USP48: variants seen among roughly 807,000 people sequenced by gnomAD.
USP48 encodes ubiquitin carboxyl-terminal hydrolase 48.
A neutral mutation model predicts 150.7 loss-of-function variants in USP48; 43 were observed. The ratio of observed to expected loss-of-function variants is 0.29; its 90% CI spans 0.22 to 0.37. USP48 has a LOEUF of 0.37. Among genes scored for constraint, USP48 ranks in the 10% least tolerant of loss-of-function variants. The pLI, the probability that USP48 is intolerant of heterozygous loss-of-function variation, is 1.00. For synonymous variants in USP48, 396 were observed against 425.9 expected, an observed-to-expected ratio of 0.93 and a Z score of 0.86; for missense variants, 813 against 1,249.6, an observed-to-expected ratio of 0.65 and a Z score of 5.27.
At chr1:21,697,524 T>G (rs1482972885) in intron 22 of USP48, among the ~76,000 whole-genome samples, 138 of 151,162 alleles carry the variant, frequency 9.1e-4, no homozygotes, top group Non-Finnish European at 1.5e-3. Context: ...TTAGCCGGGC[T>G]TGGTGGTGGG....
chr1:21,716,467 G>A (rs1428423908), intron 14 of USP48, among the ~76,000 whole-genome samples: 2 of 152,152 alleles, frequency 1.3e-5, no homozygotes, highest in Non-Finnish European at 2.9e-5. Context: ...TCAGAACAGT[G>A]TGAAATTTAA....
intron 22 of USP48, among the ~76,000 whole-genome samples, chr1:21,699,445 G>A (rs1454813313): frequency 6.0e-5 from 9 of 150,290 alleles, no homozygotes; most frequent in Admixed American, 6.7e-5. Context: ...TGATCTGCCC[G>A]CCTCAGCCTC....
At chr1:21,782,680 G>T in intron 1 of USP48, 144 bp downstream of exon 1, 1 of 1,283,488 alleles carries the variant, frequency 7.8e-7, no homozygotes, top group Non-Finnish European at 1.0e-6. Flanking sequence ...TCGCGCAGAC[G>T]GCGCAAAGGG....
intron 17 of USP48, 89 bp from the exon 18 acceptor site, chr1:21,706,276 C>G (rs1449323796): frequency 2.0e-6 from 3 of 1,523,120 alleles, no homozygotes; most frequent in Non-Finnish European, 2.7e-6. Context: ...TGTCCTTATT[C>G]AAGTTTTATA....
At chr1:21,703,648 G>A in intron 20 of USP48, 30 bp from the exon 21 acceptor site, 2 of 1,477,706 alleles carry the variant, frequency 1.4e-6, no homozygotes, top group Non-Finnish European at 1.9e-6. Flanking sequence ...AGGGAAAACA[G>A]AAGTGGCTGA....
chr1:21,744,775 T>C (rs566833101), intron 8 of USP48, among the ~76,000 whole-genome samples: 1 of 43,540 alleles, frequency 2.3e-5, no homozygotes, highest in Non-Finnish European at 4.8e-5. Flanking sequence ...AAACTCTATC[T>C]CTAAAAAAAA....
intron 2 of USP48, 107 bp downstream of exon 2, chr1:21,757,556 A>C (rs2097840027): frequency 7.9e-7 from 1 of 1,266,980 alleles, no homozygotes; most frequent in Admixed American, 2.7e-5. Context: ...TTAAAGCTGC[A>C]CAGGTTACCT....
intron 2 of USP48, 74 bp downstream of exon 2, chr1:21,757,589 C>T (rs2097840124): frequency 3.3e-6 from 5 of 1,520,948 alleles, no homozygotes; most frequent in Non-Finnish European, 3.5e-6. Context: ...GTTTTCTGAT[C>T]ACAGGCCCAA....
intron 8 of USP48, among the ~76,000 whole-genome samples, chr1:21,744,185 T>C (rs2097788561): frequency 6.6e-6 from 1 of 152,216 alleles, no homozygotes; most frequent in Non-Finnish European, 1.5e-5. Flanking sequence ...GGCTCACACC[T>C]GTAATCCCAC....
At chr1:21,703,738 T>C (rs893273448) in intron 20 of USP48, 120 bp from the exon 21 acceptor site, 5 of 819,132 alleles carry the variant, frequency 6.1e-6, no homozygotes, top group African/African-American at 1.7e-5. Flanking sequence ...CTTAGTAACA[T>C]TTTCTTTTTT....
chr1:21,690,097 G>A lies in USP48; in HGVS notation c.2886C>T (p.Ile962=), dbSNP rs2097593025. The stretch of plus-strand genomic sequence containing the variant: ...AAGGAGCAACTGAAAATGCATGCAT[G>A]ATCTGTGCCAATATAAAAGAGAGAA... ...NQTLKELKIQ[I]MHAFSVAPFD... Residue 962 remains isoleucine, a splice_region_variant and synonymous_variant, in exon 24 of 27, where the codon ATC becomes ATT. Coordinates refer to ENST00000308271, the MANE Select transcript of USP48 (RefSeq NM_032236.8). The A allele has an allele frequency of 6.2e-7, 1 of 1,612,596 alleles. No homozygotes were observed. Among genetic ancestry groups the A allele is most frequent in the African/African-American group, 1.3e-5 (1 of 74,654 alleles).
chr1:21,733,893 G>A (rs542940424), intron 9 of USP48, among the ~76,000 whole-genome samples: 1 of 151,890 alleles, frequency 6.6e-6, no homozygotes, highest in East Asian at 1.9e-4. Context: ...CTGGGCTCAA[G>A]CATCCTCCTA....
At chr1:21,681,313 G>A (rs1042723570) in intron 25 of USP48, 1 of 152,718 alleles carries the variant, frequency 6.5e-6, no homozygotes, top group Non-Finnish European at 1.5e-5. Flanking sequence ...CCAGAATGGA[G>A]TGCAGTGGCA....
chr1:21,732,049 C>T (rs139638283), intron 9 of USP48, among the ~76,000 whole-genome samples: 8 of 152,136 alleles, frequency 5.3e-5, no homozygotes, highest in South Asian at 2.1e-4. Context: ...GGGATTATAG[C>T]GGCGGATCAT....
intron 9 of USP48, among the ~76,000 whole-genome samples, chr1:21,736,082 A>T (rs1361642034): frequency 1.3e-5 from 2 of 151,996 alleles, no homozygotes; most frequent in Non-Finnish European, 1.5e-5. Flanking sequence ...CTTACTGAAA[A>T]AAATTTTGAC....
intron 25 of USP48, chr1:21,681,268 CT>C (rs998495452): frequency 6.9e-4 from 103 of 148,368 alleles, no homozygotes; most frequent in Middle Eastern, 3.5e-3. Context: ...ATTTTATTTA[CT>C]TTTTTTTTTT....
intron 1 of USP48, among the ~76,000 whole-genome samples, chr1:21,768,850 G>A (rs1438795138): frequency 1.3e-5 from 2 of 151,918 alleles, no homozygotes; most frequent in African/African-American, 4.8e-5. Flanking sequence ...CCCAGGCTGT[G>A]GTGCAGCAGT....
chr1:21,751,602 C>T lies in USP48; in HGVS notation c.679G>A (p.Gly227Ser). The T allele has an allele frequency of 1.9e-6, 3 of 1,613,688 alleles. No homozygotes were observed. Among genetic ancestry groups the T allele is most frequent in the African/African-American group, 2.7e-5 (2 of 74,992 alleles). ...YAYVTVCNQC[G>S]RESKLLSKFY... ...TTTGACAAAAGCTTAGACTCTCTGC[C>T]ACACTGGTTGCAACTATAATAAAAC... The change falls in exon 6 of 27, where the codon GGC becomes AGC. Residue 227 changes from glycine to serine, a missense_variant. Physicochemically the swap from Gly to Ser is moderately conservative, Grantham distance 56 (BLOSUM62 0). Transcript: ENST00000308271.
At chr1:21,743,314 A>G (rs1489734024) in intron 8 of USP48, among the ~76,000 whole-genome samples, 1 of 152,172 alleles carries the variant, frequency 6.6e-6, no homozygotes, top group Non-Finnish European at 1.5e-5. Context: ...CAGAAACACA[A>G]GAGTGTCCAA....
Sources: gnomAD v4.1 joint callset for allele counts (sites outside exome capture counted in the v4.1 genomes callset) on GRCh38, gnomAD v4.1.1 for gene constraint, MANE v1.5 for transcripts, NCBI Gene and HGNC (gene_info 2026-07-23, HGNC 2026-07-21) for gene names.